MYH7B: variants seen among roughly 807,000 people sequenced by gnomAD.
MYH7B encodes myosin-7B.
Under a neutral mutation model 234.5 loss-of-function variants are expected in MYH7B, and 205 were observed. The observed-to-expected ratio is 0.87, with a 90% CI of 0.78 to 0.98. The LOEUF is 0.98. Ranked by LOEUF, MYH7B falls within the 50% of genes least tolerant of loss-of-function variation. The pLI is 0.00. For synonymous variants in MYH7B, 1,193 were observed against 1,105.0 expected, an observed-to-expected ratio of 1.08 and a Z score of -1.58; for missense variants, 2,652 against 2,633.4, an observed-to-expected ratio of 1.01 and a Z score of -0.15.
rs562308939 is a variant in MYH7B at position 34,990,155 on chromosome 20, G to A, written c.1900+9G>A. ...TGCGGGCTCCTGCTCCAGTGAGTAT[G>A]GAGGGACAAGATCTCCACTCTGACA... On this transcript the variant is annotated intron_variant, in intron 21 of 44. Transcript: ENST00000262873. 7 of 1,614,010 alleles carry A rather than the reference G, an allele frequency of 4.3e-6. No homozygotes were observed. The African/African-American group carries it at 9.3e-5, about 22-fold the overall frequency.
chr20:34,968,899 G>A (rs2081767754), intron 2 of MYH7B, among the ~76,000 whole-genome samples: 1 of 152,240 alleles, frequency 6.6e-6, no homozygotes, highest in Non-Finnish European at 1.5e-5. Flanking sequence ...GGCGGGACTG[G>A]GCTTCTTGGG....
chr20:34,993,720 C>T (rs891622522), intron 26 of MYH7B, among the ~76,000 whole-genome samples: 1 of 152,244 alleles, frequency 6.6e-6, no homozygotes, highest in Non-Finnish European at 1.5e-5. Context: ...CCAGTGTCTT[C>T]CAAGACTCTT....
exon 19 of MYH7B, chr20:34,988,162 T>C: frequency 6.2e-7 from 1 of 1,608,920 alleles, no homozygotes; most frequent in Non-Finnish European, 8.5e-7. Context: ...AACCAGCACA[T>C]GTTTGTGCTG....
At chr20:34,984,880 G>A (rs779275761) in exon 12 of MYH7B, 5 of 1,614,076 alleles carry the variant, frequency 3.1e-6, no homozygotes, top group Non-Finnish European at 4.2e-6. Flanking sequence ...AAATCATCGA[G>A]GCCAACCCTG....
chr20:34,980,815 C>G, intron 8 of MYH7B, 81 bp downstream of exon 8: 1 of 1,566,096 alleles, frequency 6.4e-7, no homozygotes, highest in Non-Finnish European at 8.7e-7. Flanking sequence ...CCCCTTCCCC[C>G]ACTGGCACTG....
At position 35,000,774 on chromosome 20, in the gene MYH7B, G is replaced by A. The variant is rs763343439; in HGVS notation, c.5185G>A (p.Gly1729Ser). 3.7e-6 allele frequency: 6 copies of A among 1,612,756 alleles called. No homozygotes were observed. In the South Asian group the frequency reaches 6.6e-5, roughly 18 times the overall value. Residue 1729 changes from glycine (G) to serine (S), a missense_variant, in exon 40 of 45, where the codon GGC (glycine) becomes AGC (serine). Coordinates refer to ENST00000262873, the Ensembl canonical transcript of MYH7B. ...AGACTCCTCTTCCCCTCAGAACACA[G>A]GCCTCCTAAACCAGAAGAAGAAGCT... is the stretch of plus-strand genomic sequence containing the variant.
At chr20:34,955,891 A>G (rs34293667) in exon 1 of MYH7B, 1 of 152,378 alleles carries the variant, frequency 6.6e-6, no homozygotes, top group African/African-American at 2.4e-5. Flanking sequence ...AGTCGAGGCC[A>G]GGAAGGGGCG....
chr20:34,966,102 T>C (rs1241641311), intron 2 of MYH7B, among the ~76,000 whole-genome samples: 1 of 152,194 alleles, frequency 6.6e-6, no homozygotes, highest in Non-Finnish European at 1.5e-5. Context: ...AATTCTTGGC[T>C]TCTGGCCCTA....
At chr20:34,976,709 T>G (rs2081858085) in intron 3 of MYH7B, among the ~76,000 whole-genome samples, 1 of 152,200 alleles carries the variant, frequency 6.6e-6, no homozygotes, top group Non-Finnish European at 1.5e-5. Context: ...CAGGGCTGGT[T>G]TTCTTCATGT....
At position 34,993,134 on chromosome 20, in the gene MYH7B, A is replaced by G. The variant is rs767995904; in HGVS notation, c.2216A>G (p.Asp739Gly). ...ATCCTGAACCCCAGTGCCATCCCGG[A>G]TGACACCTTCATGGACAGCAGGAAG... Residue 739 changes from aspartate to glycine, a missense_variant, in exon 25 of 45, where the codon GAT becomes GGT. Physicochemically the swap from Asp to Gly is moderately conservative, Grantham distance 94. Around this residue, in one of 3 missense-constraint regions of MYH7B, gnomAD observed 2,279 missense variants for 2,211.4 expected, o/e 1.03. Transcript: ENST00000262873. The G allele has an allele frequency of 1.9e-6, 3 of 1,613,740 alleles. No individual in the cohort carries two copies. The South Asian group carries it at 3.3e-5, about 18-fold the overall frequency.
chr20:34,995,716 A>G, intron 28 of MYH7B, 138 bp downstream of exon 28: 1 of 1,363,020 alleles, frequency 7.3e-7, no homozygotes, highest in Non-Finnish European at 9.8e-7. Context: ...CCTGGGCCTC[A>G]GTTTCTTTAT....
chr20:34,977,204 A>G (rs1179759323), intron 3 of MYH7B, among the ~76,000 whole-genome samples: 1 of 151,014 alleles, frequency 6.6e-6, no homozygotes, highest in Non-Finnish European at 1.5e-5. Flanking sequence ...GACTTGGCCA[A>G]TGCTTTCCTT....
chr20:34,983,425 T>G (rs2425006), intron 10 of MYH7B, among the ~76,000 whole-genome samples: 59,267 of 151,412 alleles, frequency 0.39, 12,692 homozygotes, highest in Admixed American at 0.56. Context: ...CTCCTTCCCT[T>G]TCCTGCCCTG....
exon 41 of MYH7B, chr20:35,001,000 G>A: frequency 6.2e-7 from 1 of 1,613,862 alleles, no homozygotes; most frequent in Non-Finnish European, 8.5e-7. Context: ...GGCCATGATG[G>A]CCGAGGAGCT....
At chr20:34,997,022 G>GT in intron 30 of MYH7B, 61 bp from the exon 31 acceptor site, 1 of 1,519,120 alleles carries the variant, frequency 6.6e-7, no homozygotes, top group Non-Finnish European at 8.9e-7. Flanking sequence ...GGCGTTATGG[G>GT]GTCCCAGGCG....
chr20:34,996,788 C>T, intron 30 of MYH7B, 30 bp downstream of exon 30: 1 of 1,595,332 alleles, frequency 6.3e-7, no homozygotes, highest in Admixed American at 1.7e-5. Context: ...AGGTGGGGGC[C>T]TTCTGAGCCT....
intron 1 of MYH7B, among the ~76,000 whole-genome samples, chr20:34,957,082 A>G (rs1361461967): frequency 6.6e-6 from 1 of 152,204 alleles, no homozygotes; most frequent in Non-Finnish European, 1.5e-5. Context: ...CAGCGAAGGC[A>G]TATAATTCTG....
chr20:34,964,123 C>T (rs892271776), intron 2 of MYH7B, among the ~76,000 whole-genome samples: 1 of 152,096 alleles, frequency 6.6e-6, no homozygotes, highest in African/African-American at 2.4e-5. Context: ...CATATTCAGA[C>T]TTACAAGGTA....
chr20:34,997,747 G>A (rs2082291671), intron 32 of MYH7B, 107 bp downstream of exon 32: 1 of 1,356,352 alleles, frequency 7.4e-7, no homozygotes, highest in Admixed American at 2.2e-5. Context: ...CTTATCCTGA[G>A]CCCTGACCTC....
Sources: allele counts gnomAD v4.1 joint callset (sites outside exome capture counted in the v4.1 genomes callset), GRCh38; gene constraint gnomAD v4.1.1; regional missense constraint gnomAD v4.1.1; transcripts MANE v1.5; gene names NCBI Gene and HGNC (gene_info 2026-07-23, HGNC 2026-07-21).